BMP7: variants seen among roughly 807,000 people sequenced by gnomAD.
The protein encoded by BMP7 is bone morphogenetic protein 7.
In BMP7, 12 loss-of-function variants were observed where a neutral mutation model predicts 41.2. That is an observed-to-expected ratio of 0.29 (90% CI 0.19 to 0.47). The LOEUF (loss-of-function observed/expected upper bound fraction) is 0.47. BMP7 is among the 20% of genes least tolerant of loss of function. The pLI, the probability that BMP7 is intolerant of heterozygous loss-of-function variation, is 0.99. For missense variants in BMP7, 467 were observed against 606.0 expected, an observed-to-expected ratio of 0.77 and a Z score of 2.41; for synonymous variants, 248 against 250.0, an observed-to-expected ratio of 0.99 and a Z score of 0.07.
intron 2 of BMP7, among the ~76,000 whole-genome samples, chr20:57,207,403 G>C (rs1196065692): frequency 6.6e-6 from 1 of 152,192 alleles, no homozygotes; most frequent in African/African-American, 2.4e-5. Context: ...AGAAAGAGTA[G>C]AAGAACCACC....
Position 57,213,779 on chromosome 20 carries a change from G to A in BMP7, c.612-11156C>T, listed in dbSNP as rs1398944256. On this transcript the variant is annotated intron_variant, in intron 2 of 6. Transcript: ENST00000395863. This position sits in a 1 kb window ranked among gnomAD's most constrained non-coding sequence, Gnocchi z 4.4. ...TGTAGGGCTCCAGGCTCTGAGTTGA[G>A]GAAAATTGGAGTTAAATTTCAGTGA... is the stretch of plus-strand genomic sequence containing the variant. 1.3e-5 allele frequency among the ~76,000 whole-genome samples: 2 copies of A among 152,170 alleles called. No individual in the cohort carries two copies. Among genetic ancestry groups the A allele is most frequent in the Non-Finnish European group, 2.9e-5 (2 of 68,036 alleles).
intron 4 of BMP7, among the ~76,000 whole-genome samples, chr20:57,176,791 C>CACACACACACACACACA (rs1555811498): frequency 6.7e-6 from 1 of 149,950 alleles, no homozygotes; most frequent in Non-Finnish European, 1.5e-5. Context: ...CACACACACA[C>CACACACACACACACACA]CTGTTAACTG....
intron 4 of BMP7, among the ~76,000 whole-genome samples, chr20:57,181,711 C>G (rs936408703): frequency 8.5e-5 from 13 of 152,202 alleles, no homozygotes; most frequent in South Asian, 2.1e-4. Flanking sequence ...CCTTGTGCAG[C>G]TTCTCCAGGC....
In BMP7 at chr20:57,209,239, TTATATATTTTTA is replaced by T. The variant is rs1281228407; in HGVS notation, c.612-6628_612-6617del. Among the ~76,000 whole-genome samples the T allele has an allele frequency of 3.2e-3, 206 of 63,486 alleles. 4 individuals are homozygous for T. Among genetic ancestry groups the T allele is most frequent in the African/African-American group, 9.0e-3 (189 of 21,052 alleles). 41.6% of individuals were successfully genotyped at this position (63,486 alleles called of 152,430 possible). ...TAAATGAATAAACAAATACCTAGAT[TTATATATTTTTA>T]TATATATATATATATATATATATAT... On this transcript the variant is annotated intron_variant, in intron 2 of 6. Transcript: ENST00000395863.
chr20:57,202,699 G>T, intron 2 of BMP7, 76 bp from the exon 3 acceptor site: 5 of 1,054,420 alleles, frequency 4.7e-6, no homozygotes, highest in Non-Finnish European at 6.8e-6. Context: ...ATGGGAAGCA[G>T]AGCCTCATGG....
At chr20:57,263,410 G>A (rs1017432877) in intron 1 of BMP7, among the ~76,000 whole-genome samples, 3 of 152,184 alleles carry the variant, frequency 2.0e-5, no homozygotes, top group African/African-American at 4.8e-5. Flanking sequence ...GCCATGGGGG[G>A]AGCAAATAGC....
At chr20:57,208,564 A>G (rs1437947277) in intron 2 of BMP7, among the ~76,000 whole-genome samples, 1 of 152,214 alleles carries the variant, frequency 6.6e-6, no homozygotes, top group African/African-American at 2.4e-5. Context: ...TAGAATTACC[A>G]TGTGACCCAG....
chr20:57,209,250 TA>T (rs1984819833), intron 2 of BMP7, among the ~76,000 whole-genome samples: 33 of 9,252 alleles, frequency 3.6e-3, no homozygotes, highest in African/African-American at 0.016. Context: ...TATATATTTT[TA>T]TATATATATA....
intron 2 of BMP7, among the ~76,000 whole-genome samples, chr20:57,212,400 G>A (rs1568716544): frequency 6.6e-6 from 1 of 152,174 alleles, no homozygotes; most frequent in South Asian, 2.1e-4. Flanking sequence ...CTGAGCGCTG[G>A]GAAGCCGGGA....
intron 4 of BMP7, among the ~76,000 whole-genome samples, chr20:57,176,304 G>A (rs1444020511): frequency 3.3e-5 from 5 of 152,174 alleles, no homozygotes; most frequent in African/African-American, 9.7e-5. Context: ...ACACTGTTGA[G>A]CTCCTGGATC....
chr20:57,222,129 C>T (rs1219448355), intron 2 of BMP7, among the ~76,000 whole-genome samples: 2 of 152,194 alleles, frequency 1.3e-5, no homozygotes, highest in African/African-American at 4.8e-5. Context: ...CGTGATATAA[C>T]ACCTACGGGG....
At chr20:57,191,242 G>A (rs1039549999) in intron 3 of BMP7, among the ~76,000 whole-genome samples, 11 of 152,140 alleles carry the variant, frequency 7.2e-5, no homozygotes, top group African/African-American at 1.4e-4. Context: ...TACTGAACAC[G>A]TGTTCATGCC....
At chr20:57,231,845 G>C (rs1001296392) in intron 1 of BMP7, among the ~76,000 whole-genome samples, 1 of 152,280 alleles carries the variant, frequency 6.6e-6, no homozygotes, top group African/African-American at 2.4e-5. Flanking sequence ...CCTGAGCAGA[G>C]AAAGGGGCTG....
At chr20:57,176,578 T>C (rs777023132) in intron 4 of BMP7, among the ~76,000 whole-genome samples, 8 of 152,140 alleles carry the variant, frequency 5.3e-5, no homozygotes, top group Non-Finnish European at 1.0e-4. Context: ...GGGACTGCTC[T>C]AGCTCTGGAG....
At chr20:57,238,572 A>G (rs914476022) in intron 1 of BMP7, among the ~76,000 whole-genome samples, 1 of 152,166 alleles carries the variant, frequency 6.6e-6, no homozygotes, top group Non-Finnish European at 1.5e-5. Flanking sequence ...TCCCGCCGGC[A>G]GTCGGGAAGG....
chr20:57,179,280 C>G (rs1268659613), intron 4 of BMP7, among the ~76,000 whole-genome samples: 1 of 152,234 alleles, frequency 6.6e-6, no homozygotes, highest in African/African-American at 2.4e-5. Flanking sequence ...CACCCGCCCC[C>G]AAGCAACAGA....
At chr20:57,230,953 A>G (rs892653720) in intron 1 of BMP7, among the ~76,000 whole-genome samples, 6 of 152,168 alleles carry the variant, frequency 3.9e-5, no homozygotes, top group Non-Finnish European at 7.3e-5. Context: ...CTGGGATTAC[A>G]GGCGTGAGCC....
rs1238880092 is a variant in BMP7 at position 57,213,389 on chromosome 20, G to C, written c.612-10766C>G. On this transcript the variant is annotated intron_variant, in intron 2 of 6. Transcript: ENST00000395863. This position sits in a 1 kb window ranked among gnomAD's most constrained non-coding sequence, Gnocchi z 4.4. Reference sequence around the variant, plus strand: ...GGATAGCTAAGAGAGGAAAATGAGAGGATCAAAAATCCAAAATGCTCTGTG... The same window carrying C: ...GGATAGCTAAGAGAGGAAAATGAGACGATCAAAAATCCAAAATGCTCTGTG... Among the ~76,000 whole-genome samples the C allele has an allele frequency of 6.6e-6, 1 of 152,192 alleles. No individual in the cohort carries two copies. The highest frequency in any genetic ancestry group is 1.9e-4 in the East Asian group (1 of 5,206).
chr20:57,247,232 C>A (rs2123137351), intron 1 of BMP7, among the ~76,000 whole-genome samples: 1 of 152,294 alleles, frequency 6.6e-6, no homozygotes, highest in Non-Finnish European at 1.5e-5. Flanking sequence ...TGCTTAAGAG[C>A]CTCCCCCCAA....
Sources: allele counts gnomAD v4.1 joint callset (sites outside exome capture counted in the v4.1 genomes callset), GRCh38; gene constraint gnomAD v4.1.1; non-coding constraint Gnocchi (gnomAD v3.1); transcripts MANE v1.5; gene names NCBI Gene and HGNC (gene_info 2026-07-23, HGNC 2026-07-21).